BRIX1: variants seen among roughly 807,000 people sequenced by gnomAD.
The protein encoded by BRIX1 is biogenesis of ribosomes BRX1, also known as ribosome biogenesis protein BRX1 homolog.
A neutral mutation model predicts 44.0 loss-of-function variants in BRIX1; 15 were observed. The ratio of observed to expected loss-of-function variants is 0.34; its 90% CI spans 0.23 to 0.53. BRIX1 has a LOEUF of 0.53. BRIX1 is among the 20% of genes least tolerant of loss of function. The probability of loss-of-function intolerance (pLI) is 0.95; values close to 1 mark genes in which losing one functional copy is unlikely to be tolerated. For synonymous variants in BRIX1, 149 were observed against 135.4 expected (o/e 1.10, Z -0.70); for missense variants, 420 against 432.8 (o/e 0.97, Z 0.26).
At chr5:34,920,753 G>C (rs1764220843) in intron 3 of BRIX1, 1 of 152,100 alleles carries the variant, frequency 6.6e-6, no homozygotes, top group South Asian at 2.1e-4. Context: ...AGAGAAAATG[G>C]CAACTACAAA....
Position 34,925,939 on chromosome 5 carries a change from G to A in BRIX1, c.*444G>A, listed in dbSNP as rs531559487. 6.5e-6 allele frequency: 1 copy of A among 153,408 alleles called. No individual in the cohort carries two copies. Among genetic ancestry groups the A allele is most frequent in the East Asian group, 1.9e-4 (1 of 5,230 alleles). 9.5% of individuals were successfully genotyped at this position (153,408 alleles called of 1,614,324 possible). On this transcript the variant is annotated 3_prime_UTR_variant, in exon 10 of 10. Transcript: ENST00000336767. ...TGAAGCCATGGAAGAACCAACCCCT[G>A]ATCTGTCACTTCAAAAAAGAGTATA...
Position 34,925,892 on chromosome 5 carries a change from A to C in BRIX1, c.*397A>C, listed in dbSNP as rs1764369352. 1 of 157,582 alleles carries C rather than the reference A, an allele frequency of 6.3e-6. No homozygotes were observed. Among genetic ancestry groups the C allele is most frequent in the Non-Finnish European group, 1.4e-5 (1 of 71,828 alleles). The allele number at this position is 157,582 out of a possible 1,614,324, so 9.8% of individuals were successfully genotyped here. A position where few individuals can be genotyped will look rare whatever the true frequency, so the allele number is the denominator to read the frequency against. ...GGTAGAAAGGAAGGCATCTCACTGA[A>C]GTTTACTCAGTCATCAGTTAATGAA... On this transcript the variant is annotated 3_prime_UTR_variant, in exon 10 of 10. Coordinates refer to ENST00000336767, the MANE Select transcript of BRIX1 (RefSeq NM_018321.4).
rs750431236 is a variant in BRIX1, at chr5:34,915,888, C to T, written c.150C>T (p.Pro50=). The T allele has an allele frequency of 3.2e-6, 5 of 1,554,722 alleles. No individual in the cohort carries two copies. The highest frequency in any genetic ancestry group is 1.2e-5 in the South Asian group (1 of 84,244). ...EEEERDRIPG[P]VCKGKWKNKE... ...AAGAGAGGGACCGGATCCCAGGCCC[C>T]GTTTGCAAGGTAGGAGGGGATGTCC... The change falls in exon 1 of 10, where the codon CCC becomes CCT. Residue 50 remains proline (P), a synonymous_variant. Coordinates refer to ENST00000336767, the MANE Select transcript of BRIX1 (RefSeq NM_018321.4).
At chr5:34,916,085 C>T in intron 1 of BRIX1, 188 bp downstream of exon 1, 3 of 605,930 alleles carry the variant, frequency 5.0e-6, no homozygotes, top group South Asian at 6.7e-5. Context: ...ACGTGGCCGT[C>T]TTCCTGGAGG....
chr5:34,917,019 T>C (rs970407472), intron 1 of BRIX1, among the ~76,000 whole-genome samples: 4 of 152,192 alleles, frequency 2.6e-5, no homozygotes, highest in Non-Finnish European at 4.4e-5. Flanking sequence ...GCAGGAGATA[T>C]AGATTATTTT....
In BRIX1 at chr5:34,919,312, T is replaced by C. The variant is rs1293338098; in HGVS notation, c.272-528T>C. Among the ~76,000 whole-genome samples, 18 of 136,582 alleles carry C rather than the reference T, an allele frequency of 1.3e-4. No homozygotes were observed. In the Admixed American group the frequency reaches 1.3e-3, roughly 10 times the overall value. 89.6% of individuals were successfully genotyped at this position (136,582 alleles called of 152,430 possible). On this transcript the variant is annotated intron_variant, in intron 2 of 9. Coordinates refer to ENST00000336767, the MANE Select transcript of BRIX1 (RefSeq NM_018321.4). The stretch of plus-strand genomic sequence containing the variant: ...AAAAAAAAAAAAAAGTTTGGAACAG[T>C]GGAGTGGCAGCGCCATCATATGGCT...
chr5:34,925,594 G>A lies in BRIX1; in HGVS notation c.*99G>A. ...TCTAATACTATCTTACGTCTAATTA[G>A]TGTAGCATTTACAAGAAAGAAAAAT... On this transcript the variant is annotated 3_prime_UTR_variant, in exon 10 of 10. Transcript: ENST00000336767. 9.9e-7 allele frequency: 1 copy of A among 1,007,422 alleles called. No individual in the cohort carries two copies. The highest frequency in any genetic ancestry group is 1.4e-6 in the Non-Finnish European group (1 of 719,818). 62.4% of individuals were successfully genotyped at this position (1,007,422 alleles called of 1,614,324 possible).
Position 34,925,754 on chromosome 5 carries a change from G to T in BRIX1, c.*259G>T. ...TTAATGTAGCCTGTTCTCTTGGGTT[G>T]GAATTTTTGGTTTAGCAAAGCTGAA... On this transcript the variant is annotated 3_prime_UTR_variant, in exon 10 of 10. Transcript: ENST00000336767. The T allele has an allele frequency of 3.1e-6, 1 of 326,472 alleles. No individual in the cohort carries two copies. The highest frequency in any genetic ancestry group is 6.8e-5 in the South Asian group (1 of 14,808). The allele number at this position is 326,472 out of a possible 1,614,324, so 20.2% of individuals were successfully genotyped here.
At chr5:34,919,274 CAAAAAA>C (rs71299559) in intron 2 of BRIX1, among the ~76,000 whole-genome samples, 4 of 35,964 alleles carry the variant, frequency 1.1e-4, no homozygotes, top group Admixed American at 3.8e-4. Context: ...GACCCTGTCT[CAAAAAA>C]AAAAAAAAAA....
intron 8 of BRIX1, 37 bp downstream of exon 8, chr5:34,923,271 T>G: frequency 7.1e-7 from 1 of 1,407,888 alleles, no homozygotes; most frequent in Admixed American, 1.7e-5. Flanking sequence ...ACCTTTTTTT[T>G]AATTGAGTTT....
intron 9 of BRIX1, 49 bp from the exon 10 acceptor site, chr5:34,925,177 A>G: frequency 1.3e-6 from 2 of 1,500,424 alleles, no homozygotes; most frequent in Non-Finnish European, 1.8e-6. Context: ...CTTATATAAA[A>G]TGTTTATTTT....
intron 1 of BRIX1, among the ~76,000 whole-genome samples, chr5:34,917,668 T>A (rs1436907238): frequency 6.6e-6 from 1 of 152,024 alleles, no homozygotes; most frequent in Non-Finnish European, 1.5e-5. Flanking sequence ...AGTAAACTGT[T>A]GAAAAAGCTA....
chr5:34,925,177 A>C (rs964936561), intron 9 of BRIX1, 49 bp from the exon 10 acceptor site: 63 of 1,500,312 alleles, frequency 4.2e-5, no homozygotes, highest in Non-Finnish European at 5.6e-5. Context: ...CTTATATAAA[A>C]TGTTTATTTT....
intron 1 of BRIX1, 135 bp from the exon 2 acceptor site, chr5:34,918,225 CACTT>C (rs1764160683): frequency 6.0e-6 from 3 of 497,394 alleles, no homozygotes; most frequent in South Asian, 3.3e-5. Context: ...GTGGGAGGAT[CACTT>C]ACTTGAGCCC....
rs1411691985 is a variant in BRIX1, at chr5:34,915,883, G to C, written c.145G>C (p.Gly49Arg). The change falls in exon 1 of 10, where the codon GGC (glycine) becomes CGC (arginine). Residue 49 changes from glycine (G) to arginine (R), a missense_variant. Transcript: ENST00000336767. ...GGAAGAAGAGAGGGACCGGATCCCA[G>C]GCCCCGTTTGCAAGGTAGGAGGGGA... is the stretch of plus-strand genomic sequence containing the variant. ...VEEEERDRIP[G>R]PVCKGKWKNK... 6.4e-7 allele frequency: 1 copy of C among 1,556,264 alleles called. No individual in the cohort carries two copies. The highest frequency in any genetic ancestry group is 1.4e-5 in the African/African-American group (1 of 73,260).
intron 8 of BRIX1, 35 bp from the exon 9 acceptor site, chr5:34,924,812 C>G: frequency 6.6e-7 from 1 of 1,526,532 alleles, no homozygotes; most frequent in Non-Finnish European, 9.1e-7. Flanking sequence ...AATAACGTAA[C>G]CAAACCAAAA....
intron 3 of BRIX1, chr5:34,920,900 T>TGTTACCACC (rs564471635): frequency 6.6e-6 from 1 of 152,180 alleles, no homozygotes; most frequent in Non-Finnish European, 1.5e-5. Context: ...AGTCTCTCTC[T>TGTTACCACC]GTTACCCAGG....
rs1434728769 is a variant in BRIX1 at position 34,923,193 on chromosome 5, T to C, written c.622T>C (p.Phe208Leu). ...SQPFVDHVFTFTILDNRIWFR... is the reference protein window; with the variant it reads ...SQPFVDHVFTLTILDNRIWFR... Reference sequence around the variant, plus strand: ...ACCATTTGTGGACCACGTGTTTACTTTCACCATTTTGGATAATAGGATATG... The same window carrying C: ...ACCATTTGTGGACCACGTGTTTACTCTCACCATTTTGGATAATAGGATATG... Residue 208 changes from phenylalanine to leucine, a missense_variant, in exon 8 of 10, where the codon TTC becomes CTC. Physicochemically the swap from Phe to Leu is conservative, Grantham distance 22 (BLOSUM62 0). Transcript: ENST00000336767. 1.2e-6 allele frequency: 2 copies of C among 1,614,034 alleles called. No individual in the cohort carries two copies. The highest frequency in any genetic ancestry group is 3.3e-5 in the Admixed American group (2 of 60,010).
At chr5:34,918,078 A>C in intron 1 of BRIX1, 1 of 212,070 alleles carries the variant, frequency 4.7e-6, no homozygotes, top group South Asian at 1.6e-4. Context: ...TTGGGAGGCC[A>C]AGCCACTTGA....
Sources: gnomAD v4.1 joint callset for allele counts (sites outside exome capture counted in the v4.1 genomes callset) on GRCh38, gnomAD v4.1.1 for gene constraint, MANE v1.5 for transcripts, NCBI Gene and HGNC (gene_info 2026-07-23, HGNC 2026-07-21) for gene names.